The following PKHD1L1 variants were observed in gnomAD, a reference collection of about 807,000 sequenced individuals.
PKHD1L1 encodes the protein fibrocystin-L.
A neutral mutation model predicts 462.9 loss-of-function variants in PKHD1L1; 434 were observed. The observed-to-expected ratio is 0.94, with a 90% CI of 0.87 to 1.02. The LOEUF is 1.02. Among genes scored for constraint, PKHD1L1 ranks in the 50% least tolerant of loss-of-function variants. The pLI is 0.00. For synonymous variants in PKHD1L1, 1,781 were observed against 1,750.0 expected (o/e 1.02, Z -0.44); for missense variants, 5,202 against 5,096.1 (o/e 1.02, Z -0.63).
chr8:109,436,908 T>G (rs1003765710), intron 30 of PKHD1L1, among the ~76,000 whole-genome samples: 7 of 152,154 alleles, frequency 4.6e-5, no homozygotes, highest in African/African-American at 1.7e-4. Context: ...AATAATAGTT[T>G]TCAAAAAGGA....
intron 4 of PKHD1L1, 124 bp from the exon 5 acceptor site, chr8:109,383,946 C>T: frequency 1.4e-6 from 1 of 728,932 alleles, no homozygotes; most frequent in East Asian, 2.6e-5. Context: ...TAAATATCTT[C>T]TTTCCTACAT....
In PKHD1L1 at chr8:109,448,270, C is replaced by T. The variant is rs748751901; in HGVS notation, c.5904C>T (p.Ile1968=). Residue 1968 remains isoleucine, a synonymous_variant, in exon 39 of 78, where the codon ATC becomes ATT. Transcript: ENST00000378402. The part of the protein sequence containing the change: ...TMANDSVVQC[I]VGDHAGGTFP... ...CCAATGATAGTGTGGTGCAGTGCAT[C>T]GTGGGAGATCATGCTGGGGGCACAT... 35 of 1,613,336 alleles carry T rather than the reference C, an allele frequency of 2.2e-5. No homozygotes were observed. In the East Asian group the frequency reaches 4.0e-4, roughly 19 times the overall value.
Position 109,443,868 on chromosome 8 carries a change from G to A in PKHD1L1, c.4757G>A (p.Gly1586Glu). ...GTAAATGAACTAATAACAATTATTG[G>A]ACATGGCTTTAGTAATCTCCCATGG... ...GTVNELITII[G>E]HGFSNLPWAN... Residue 1586 changes from glycine (G) to glutamate (E), a missense_variant, in exon 37 of 78, where the codon GGA (glycine) becomes GAA (glutamate). Transcript: ENST00000378402. 6.2e-7 allele frequency: 1 copy of A among 1,613,562 alleles called. No homozygotes were observed. The highest frequency in any genetic ancestry group is 8.5e-7 in the Non-Finnish European group (1 of 1,179,586).
intron 65 of PKHD1L1, among the ~76,000 whole-genome samples, 161 bp downstream of exon 65, chr8:109,497,433 T>C (rs1267065680): frequency 7.4e-6 from 1 of 135,620 alleles, no homozygotes; most frequent in Non-Finnish European, 1.5e-5. Context: ...AACCGTTCTT[T>C]TTTTTTTTTT....
Position 109,392,645 on chromosome 8 carries a change from A to G in PKHD1L1, c.741-1770A>G, listed in dbSNP as rs562210856. Among the ~76,000 whole-genome samples, 6 of 152,232 alleles carry G rather than the reference A, an allele frequency of 3.9e-5. No homozygotes were observed. In the South Asian group the frequency reaches 6.2e-4, roughly 16 times the overall value. On this transcript the variant is annotated intron_variant, in intron 9 of 77. Coordinates refer to ENST00000378402, the MANE Select transcript of PKHD1L1 (RefSeq NM_177531.6). ...TTTAAAATCCTAGTTTTAAGATTAC[A>G]TTTAGGTAATCTTACATTAAGATTA...
At chr8:109,514,369 T>C (rs1011059473) in intron 71 of PKHD1L1, among the ~76,000 whole-genome samples, 7 of 152,218 alleles carry the variant, frequency 4.6e-5, no homozygotes, top group Non-Finnish European at 1.0e-4. Context: ...TTATTATTTC[T>C]ATTTTTTGTT....
Position 109,442,929 on chromosome 8 carries a change from A to G in PKHD1L1, c.4394-17A>G. ...TAATTGCTTATATTTATTACGTACA[A>G]TCTCATTTTATGGCAGGTTCATTTT... On this transcript the variant is annotated splice_polypyrimidine_tract_variant and intron_variant, in intron 35 of 77. Transcript: ENST00000378402. 6.2e-7 allele frequency: 1 copy of G among 1,609,682 alleles called. No homozygotes were observed. Among genetic ancestry groups the G allele is most frequent in the South Asian group, 1.1e-5 (1 of 90,904 alleles).
In PKHD1L1 at chr8:109,420,625, T is replaced by G; in HGVS notation, c.2632T>G (p.Ser878Ala). 1 of 1,609,476 alleles carries G rather than the reference T, an allele frequency of 6.2e-7. No individual in the cohort carries two copies. The highest frequency in any genetic ancestry group is 2.3e-5 in the East Asian group (1 of 44,370). The change falls in exon 23 of 78, where the codon TCT becomes GCT. Residue 878 changes from serine (S) to alanine (A), a missense_variant. By Grantham distance (99) the Ser-to-Ala change is moderately conservative (BLOSUM62 1). This residue lies in a region of PKHD1L1 where 4,497 missense variants were observed against 4,336.8 expected (regional missense o/e 1.04). Transcript: ENST00000378402. ...TNGPTMTNQY[S>A]VTMTSYNCSY... is the part of the protein sequence containing the mutation. ...TGGGCCAACTATGACAAACCAATAT[T>G]CTGTTACCATGACTTCATACAATTG... is the stretch of plus-strand genomic sequence containing the variant.
At chr8:109,478,213 T>C (rs1818093776) in intron 53 of PKHD1L1, among the ~76,000 whole-genome samples, 1 of 152,140 alleles carries the variant, frequency 6.6e-6, no homozygotes, top group Non-Finnish European at 1.5e-5. Context: ...GTGGTTATTG[T>C]ACAAAAGAAC....
In PKHD1L1 at chr8:109,436,467, C is replaced by T. The variant is rs1286738859; in HGVS notation, c.3627+8C>T. On this transcript the variant is annotated splice_region_variant and intron_variant, in intron 30 of 77. Coordinates refer to ENST00000378402, the MANE Select transcript of PKHD1L1 (RefSeq NM_177531.6). Reference sequence around the variant, plus strand: ...ACCTGCAGGACACCAAAAGTAAGGCCTCTGATTTCAGTCACTTTTTCCTCC... The same window carrying T: ...ACCTGCAGGACACCAAAAGTAAGGCTTCTGATTTCAGTCACTTTTTCCTCC... 3 of 1,610,712 alleles carry T rather than the reference C, an allele frequency of 1.9e-6. No individual in the cohort carries two copies. In the African/African-American group the frequency reaches 4.0e-5, roughly 22 times the overall value.
chr8:109,532,193 C>A lies in PKHD1L1; in HGVS notation c.*2103C>A, dbSNP rs530347839. ...TTTTTAATAAGGAAATTTTCTAATACAAGTTATATGGCAGTAAAAGGAATT... is the reference window on the plus strand; with the variant it reads ...TTTTTAATAAGGAAATTTTCTAATAAAAGTTATATGGCAGTAAAAGGAATT... On this transcript the variant is annotated 3_prime_UTR_variant, in exon 78 of 78. Coordinates refer to ENST00000378402, the MANE Select transcript of PKHD1L1 (RefSeq NM_177531.6). 4.1e-4 allele frequency among the ~76,000 whole-genome samples: 63 copies of A among 151,944 alleles called. No individual in the cohort carries two copies. The highest frequency in any genetic ancestry group is 1.4e-3 in the African/African-American group (60 of 41,444).
Position 109,465,082 on chromosome 8 carries a change from C to G in PKHD1L1, c.8250C>G (p.Asn2750Lys), listed in dbSNP as rs760079032. The G allele has an allele frequency of 8.7e-6, 14 of 1,613,710 alleles. No homozygotes were observed. Among genetic ancestry groups the G allele is most frequent in the Non-Finnish European group, 1.2e-5 (14 of 1,179,810 alleles). The change falls in exon 49 of 78, where the codon AAC becomes AAG. Residue 2750 changes from asparagine to lysine, a missense_variant. Coordinates refer to ENST00000378402, the MANE Select transcript of PKHD1L1 (RefSeq NM_177531.6). ...SVHFMNFDRP[N>K]CVALGVTSIS... ...ACTTTATGAACTTTGACCGTCCCAA[C>G]TGTGTAGCTTTGGGAGTGACATCCA...
Position 109,445,503 on chromosome 8 carries a change from T to A in PKHD1L1, c.5634T>A (p.Asn1878Lys), listed in dbSNP as rs201554226. Residue 1878 changes from asparagine to lysine, a missense_variant, in exon 38 of 78, where the codon AAT (asparagine) becomes AAA (lysine). By Grantham distance (94) the Asn-to-Lys change is moderately conservative (BLOSUM62 0). Transcript: ENST00000378402. ...GTCAAATTATTTCCATCAACCCCAA[T>A]GAAGTCTACTGCCGCACTCCCGCTG... ...EPCQIISINP[N>K]EVYCRTPAGT... The A allele has an allele frequency of 9.9e-6, 16 of 1,613,636 alleles. No homozygotes were observed. The highest frequency in any genetic ancestry group is 1.3e-5 in the African/African-American group (1 of 74,906).
chr8:109,452,203 T>G lies in PKHD1L1; in HGVS notation c.6430T>G (p.Cys2144Gly), dbSNP rs1263610474. The G allele has an allele frequency of 6.2e-7, 1 of 1,613,340 alleles. No individual in the cohort carries two copies. Among genetic ancestry groups the G allele is most frequent in the African/African-American group, 1.3e-5 (1 of 74,916 alleles). Residue 2144 changes from cysteine (C) to glycine (G), a missense_variant, in exon 42 of 78, where the codon TGC becomes GGC. Physicochemically the swap from Cys to Gly is radical, Grantham distance 159 (BLOSUM62 -3). This residue lies in a region of PKHD1L1 where 4,497 missense variants were observed against 4,336.8 expected (regional missense o/e 1.04). Transcript: ENST00000378402. ...GTATTCCAACAAGACACACATCATC[T>G]GCATGACAGATGCCCATACTCTATC... ...VEYSNKTHIICMTDAHTLSGW... is the reference protein window; with the variant it reads ...VEYSNKTHIIGMTDAHTLSGW...
chr8:109,368,237 C>G (rs1325898538), intron 2 of PKHD1L1, among the ~76,000 whole-genome samples: 1 of 152,176 alleles, frequency 6.6e-6, no homozygotes, highest in Non-Finnish European at 1.5e-5. Context: ...ATTTCCCTTA[C>G]AATTTCTGGC....
At position 109,406,336 on chromosome 8, in the gene PKHD1L1, C is replaced by T; in HGVS notation, c.1671C>T (p.Val557=). 1 of 1,546,432 alleles carries T rather than the reference C, an allele frequency of 6.5e-7. No individual in the cohort carries two copies. ...YRLIYNMEKT[V]FLPADASEFI... ...TTGTTTGTTTTAATCCAATCAAAGTCTTCCTACCTGCTGATGCTTCTGAAT... is the reference window on the plus strand; with the variant it reads ...TTGTTTGTTTTAATCCAATCAAAGTTTTCCTACCTGCTGATGCTTCTGAAT... The change falls in exon 17 of 78, where the codon GTC becomes GTT. Residue 557 remains valine (V), a splice_region_variant and synonymous_variant. Transcript: ENST00000378402.
intron 59 of PKHD1L1, among the ~76,000 whole-genome samples, chr8:109,487,234 G>A (rs1818572999): frequency 6.6e-6 from 1 of 151,880 alleles, no homozygotes; most frequent in Admixed American, 6.6e-5. Context: ...GGCCAATCTT[G>A]TTTCACCTAC....
intron 59 of PKHD1L1, among the ~76,000 whole-genome samples, chr8:109,489,098 C>G (rs1335628741): frequency 2.0e-5 from 3 of 151,934 alleles, no homozygotes; most frequent in Non-Finnish European, 2.9e-5. Flanking sequence ...ATCATTATCT[C>G]AATTATTCAT....
At chr8:109,386,222 T>C (rs747097835) in intron 6 of PKHD1L1, among the ~76,000 whole-genome samples, 109 of 152,322 alleles carry the variant, frequency 7.2e-4, no homozygotes, top group Admixed American at 1.7e-3. Context: ...ATTGTCCACA[T>C]TTTGGACTAA....
Sources: allele counts gnomAD v4.1 joint callset (sites outside exome capture counted in the v4.1 genomes callset), GRCh38; gene constraint gnomAD v4.1.1; regional missense constraint gnomAD v4.1.1; transcripts MANE v1.5; gene names NCBI Gene and HGNC (gene_info 2026-07-23, HGNC 2026-07-21).